The following FSHR variants were observed in gnomAD, a reference collection of about 807,000 sequenced individuals.
The protein encoded by FSHR is follicle stimulating hormone receptor, also known as follicle-stimulating hormone receptor.
Under a neutral mutation model 52.1 loss-of-function variants are expected in FSHR, and 46 were observed. The ratio of observed to expected loss-of-function variants is 0.88; its 90% CI spans 0.70 to 1.13. The LOEUF is 1.13. Ranked by LOEUF, FSHR falls within the 50% of genes most tolerant of loss-of-function variation. The pLI is 0.00. For missense variants in FSHR, 964 were observed against 834.6 expected, an observed-to-expected ratio of 1.16 and a Z score of -1.91; for synonymous variants, 399 against 309.6, an observed-to-expected ratio of 1.29 and a Z score of -3.03.
chr2:49,064,870 T>C (rs1351767477), intron 2 of FSHR, among the ~76,000 whole-genome samples: 2 of 152,178 alleles, frequency 1.3e-5, no homozygotes, highest in Admixed American at 1.3e-4. Context: ...CTGGAAAAGT[T>C]CTGTAGAAAA....
chr2:49,150,312 A>T (rs995798294), intron 1 of FSHR, among the ~76,000 whole-genome samples: 2 of 152,036 alleles, frequency 1.3e-5, no homozygotes, highest in Non-Finnish European at 2.9e-5. Flanking sequence ...ATTCTTAAAC[A>T]AATGGGAGGT....
chr2:49,054,703 C>T (rs1668992852), intron 2 of FSHR, among the ~76,000 whole-genome samples: 1 of 152,210 alleles, frequency 6.6e-6, no homozygotes, highest in Admixed American at 6.5e-5. Flanking sequence ...AAGCCCACCC[C>T]TAGTAAAGCC....
At chr2:49,143,839 T>C (rs1272227775) in intron 1 of FSHR, among the ~76,000 whole-genome samples, 6 of 152,148 alleles carry the variant, frequency 3.9e-5, no homozygotes, top group African/African-American at 1.2e-4. Context: ...AAGTGATTTA[T>C]ACTGCACCAT....
At chr2:49,082,450 C>T (rs942225924) in intron 1 of FSHR, among the ~76,000 whole-genome samples, 7 of 152,178 alleles carry the variant, frequency 4.6e-5, no homozygotes, top group Non-Finnish European at 7.3e-5. Context: ...TCTCCTCCTC[C>T]AAAGGAACGC....
intron 8 of FSHR, among the ~76,000 whole-genome samples, chr2:48,970,542 A>T (rs1559079208): frequency 6.6e-6 from 1 of 151,968 alleles, no homozygotes; most frequent in African/African-American, 2.4e-5. Context: ...CTGTTCTTTA[A>T]ATATTAGTAT....
At chr2:49,135,460 A>T (rs1239526685) in intron 1 of FSHR, among the ~76,000 whole-genome samples, 2 of 152,192 alleles carry the variant, frequency 1.3e-5, no homozygotes, top group Non-Finnish European at 2.9e-5. Context: ...AATCCAGCTA[A>T]GGTCATGCTT....
intron 8 of FSHR, among the ~76,000 whole-genome samples, chr2:48,973,266 A>ACACACACACACACG (rs146365090): frequency 6.6e-6 from 1 of 151,016 alleles, no homozygotes; most frequent in Non-Finnish European, 1.5e-5. Context: ...ACACACACAC[A>ACACACACACACACG]CACATGCACA....
Position 48,962,965 on chromosome 2 carries a change from G to A in FSHR, c.1856C>T (p.Ser619Phe). The change falls in exon 10 of 10, where the codon TCC (serine) becomes TTC (phenylalanine). Residue 619 changes from serine (S) to phenylalanine (F), a missense_variant. Transcript: ENST00000406846. ...GGCATAGAGGAAGGGGTTGGCACAGGAGTTGATGGGGTGAAACAGAACCAG... is the reference window on the plus strand; with the variant it reads ...GGCATAGAGGAAGGGGTTGGCACAGAAGTTGATGGGGTGAAACAGAACCAG... ...ILLVLFHPIN[S>F]CANPFLYAIF... is the part of the protein sequence containing the mutation. The A allele has an allele frequency of 6.2e-7, 1 of 1,614,152 alleles. No homozygotes were observed. The highest frequency in any genetic ancestry group is 8.5e-7 in the Non-Finnish European group (1 of 1,180,006).
intron 1 of FSHR, among the ~76,000 whole-genome samples, chr2:49,103,028 A>T (rs1010095368): frequency 6.6e-6 from 1 of 152,076 alleles, no homozygotes; most frequent in Non-Finnish European, 1.5e-5. Flanking sequence ...GCCTTCCCCC[A>T]TGAAAATTTA....
intron 9 of FSHR, among the ~76,000 whole-genome samples, chr2:48,966,248 G>C (rs1485783587): frequency 1.3e-5 from 2 of 152,144 alleles, no homozygotes; most frequent in African/African-American, 4.8e-5. Flanking sequence ...GAATTCTTGA[G>C]GTCTAGGCCC....
rs1422769106 is a variant in FSHR, at chr2:49,142,201, T to G, written c.152+12065A>C. 2.0e-5 allele frequency among the ~76,000 whole-genome samples: 3 copies of G among 152,178 alleles called. No individual in the cohort carries two copies. The South Asian group carries it at 6.2e-4, about 32-fold the overall frequency. Reference sequence around the variant, plus strand: ...CCATCATTCAACTTTAGTTCTAGTTTCTAGTGGTGGGGAGGAAAGTAAAGA... The same window carrying G: ...CCATCATTCAACTTTAGTTCTAGTTGCTAGTGGTGGGGAGGAAAGTAAAGA... On this transcript the variant is annotated intron_variant, in intron 1 of 9. Coordinates refer to ENST00000406846, the MANE Select transcript of FSHR (RefSeq NM_000145.4).
At chr2:49,027,393 G>A (rs1409336609) in intron 2 of FSHR, among the ~76,000 whole-genome samples, 2 of 152,168 alleles carry the variant, frequency 1.3e-5, no homozygotes, top group African/African-American at 4.8e-5. Context: ...TAATATGCAA[G>A]ACTAAGAATG....
At chr2:48,999,499 AAGCATG>A (rs1207386183) in intron 4 of FSHR, among the ~76,000 whole-genome samples, 1 of 152,080 alleles carries the variant, frequency 6.6e-6, no homozygotes, top group East Asian at 1.9e-4. Context: ...TTGTGCTGCT[AAGCATG>A]TGGTTCCTTA....
intron 2 of FSHR, among the ~76,000 whole-genome samples, chr2:49,058,898 A>G (rs903330722): frequency 1.3e-5 from 2 of 152,330 alleles, no homozygotes; most frequent in Admixed American, 6.5e-5. Flanking sequence ...TAAAGATTCA[A>G]TGCAATTACT....
At chr2:49,129,911 A>G (rs1212444625) in intron 1 of FSHR, among the ~76,000 whole-genome samples, 1 of 152,168 alleles carries the variant, frequency 6.6e-6, no homozygotes, top group Non-Finnish European at 1.5e-5. Context: ...AAATTAGGAC[A>G]ATTTATAATT....
At chr2:49,122,369 G>A (rs1030793158) in intron 1 of FSHR, among the ~76,000 whole-genome samples, 10 of 152,142 alleles carry the variant, frequency 6.6e-5, no homozygotes, top group Admixed American at 3.9e-4. Context: ...ATGGATTCAC[G>A]GAGTGACAAC....
chr2:48,970,870 G>T (rs1559079593), intron 8 of FSHR, among the ~76,000 whole-genome samples: 1 of 152,034 alleles, frequency 6.6e-6, no homozygotes, highest in Non-Finnish European at 1.5e-5. Flanking sequence ...CTCCCTCATG[G>T]GACATCAGTG....
In FSHR at chr2:49,127,870, TC is replaced by T. The variant is rs1558456949; in HGVS notation, c.152+26395del. ...TTCTTCTTCTTCTTCTTCTTCTTCT[TC>T]TTCTTCTTCTTCTTCTTCTTCTTCT... is the stretch of plus-strand genomic sequence containing the variant. On this transcript the variant is annotated intron_variant, in intron 1 of 9. Transcript: ENST00000406846. Among the ~76,000 whole-genome samples the T allele has an allele frequency of 8.3e-3, 369 of 44,702 alleles. 27 individuals are homozygous for T. The highest frequency in any genetic ancestry group is 0.019 in the Admixed American group (61 of 3,174). The allele number at this position is 44,702 out of a possible 152,430, so 29.3% of individuals were successfully genotyped here.
At chr2:48,979,427 A>G (rs1675140470) in intron 8 of FSHR, among the ~76,000 whole-genome samples, 2 of 152,008 alleles carry the variant, frequency 1.3e-5, no homozygotes, top group African/African-American at 4.8e-5. Context: ...GGTGATTAAA[A>G]AAAACCACAA....
Sources: allele counts gnomAD v4.1 joint callset (sites outside exome capture counted in the v4.1 genomes callset), GRCh38; gene constraint gnomAD v4.1.1; transcripts MANE v1.5; gene names NCBI Gene and HGNC (gene_info 2026-07-23, HGNC 2026-07-21).